Variants in RP1 observed in about 807,000 individuals in gnomAD.
RP1 encodes oxygen-regulated protein 1.
Under a neutral mutation model 14.8 loss-of-function variants are expected in RP1, and 16 were observed. That is an observed-to-expected ratio of 1.08 (90% CI 0.73 to 1.65). The LOEUF is 1.65. Among genes scored for constraint, RP1 ranks in the 40% most tolerant of loss-of-function variants. RP1 has a pLI of 0.00. For synonymous variants in RP1, 876 were observed against 883.6 expected (o/e 0.99, Z 0.15); for missense variants, 2,631 against 2,535.0 (o/e 1.04, Z -0.81).
intron 24 of RP1, among the ~76,000 whole-genome samples, chr8:54,805,600 T>C (rs895232576): frequency 6.6e-6 from 1 of 152,204 alleles, no homozygotes; most frequent in African/African-American, 2.4e-5. Flanking sequence ...TTTATACAGC[T>C]GGAAAATGCA....
chr8:54,814,040 A>T (rs1001318253), intron 24 of RP1, among the ~76,000 whole-genome samples: 2 of 152,180 alleles, frequency 1.3e-5, no homozygotes, highest in Non-Finnish European at 2.9e-5. Context: ...TGGCTCCAGT[A>T]AGGATTTAAA....
At chr8:54,858,828 A>G (rs1812267402) in intron 27 of RP1, among the ~76,000 whole-genome samples, 1 of 151,950 alleles carries the variant, frequency 6.6e-6, no homozygotes, top group African/African-American at 2.4e-5. Flanking sequence ...ATGTCACTGT[A>G]GAGCAGTGCT....
chr8:54,561,890 T>C (rs1458592492), intron 1 of RP1: 4 of 152,204 alleles, frequency 2.6e-5, no homozygotes, highest in Non-Finnish European at 5.9e-5. Context: ...ACAATAACAA[T>C]AATCAATGGA....
At chr8:54,823,326 G>C (rs1267667440) in intron 24 of RP1, among the ~76,000 whole-genome samples, 1 of 152,086 alleles carries the variant, frequency 6.6e-6, no homozygotes, top group African/African-American at 2.4e-5. Flanking sequence ...TGGCAGTCTT[G>C]TTTTCTTCTT....
At chr8:54,735,037 A>AC (rs1808885472) in intron 18 of RP1, among the ~76,000 whole-genome samples, 1 of 152,110 alleles carries the variant, frequency 6.6e-6, no homozygotes, top group Admixed American at 6.6e-5. Flanking sequence ...TCAATTTATA[A>AC]CCGGCTTATA....
At position 54,610,964 on chromosome 8, in the gene RP1, G is replaced by A. The variant is rs145372203; in HGVS notation, c.-12-9991G>A. 5.2e-3 allele frequency among the ~76,000 whole-genome samples: 785 copies of A among 152,302 alleles called. 4 individuals are homozygous for A. The highest frequency in any genetic ancestry group is 8.8e-3 in the Non-Finnish European group (596 of 68,026). On this transcript the variant is annotated intron_variant, in intron 1 of 22. Transcript: ENST00000636932. The stretch of plus-strand genomic sequence containing the variant: ...CCCGAGCTTTTATCTATCAAGGACT[G>A]TCTTAATTTTGCCCTCATTTTTAAA...
At chr8:54,795,341 A>G (rs531181273) in intron 24 of RP1, among the ~76,000 whole-genome samples, 1 of 152,246 alleles carries the variant, frequency 6.6e-6, no homozygotes, top group African/African-American at 2.4e-5. Context: ...CTCTCCATCA[A>G]TGAATGAATA....
intron 1 of RP1, among the ~76,000 whole-genome samples, chr8:54,599,712 C>G (rs1350950241): frequency 6.6e-6 from 1 of 152,122 alleles, no homozygotes; most frequent in East Asian, 1.9e-4. Context: ...GCCTTGGCCT[C>G]CCAAAGTACT....
intron 7 of RP1, among the ~76,000 whole-genome samples, chr8:54,670,667 GTTTTTATATATATA>G (rs1363406922): frequency 1.2e-4 from 5 of 42,614 alleles, no homozygotes; most frequent in African/African-American, 5.4e-4. Context: ...TAATATATAT[GTTTTTATATATATA>G]TATATATATA....
intron 13 of RP1, among the ~76,000 whole-genome samples, chr8:54,700,365 C>A (rs565691258): frequency 6.6e-6 from 1 of 151,970 alleles, no homozygotes; most frequent in Admixed American, 6.6e-5. Context: ...GATTTCAACT[C>A]ATGGGATGTT....
At chr8:54,862,282 T>C (rs754926677) in intron 27 of RP1, among the ~76,000 whole-genome samples, 66 of 152,312 alleles carry the variant, frequency 4.3e-4, no homozygotes, top group Non-Finnish European at 7.5e-4. Context: ...TTACCTACAG[T>C]ATATAAGAAC....
chr8:54,825,130 C>A (rs1044991571), intron 24 of RP1, among the ~76,000 whole-genome samples: 2 of 152,086 alleles, frequency 1.3e-5, no homozygotes, highest in South Asian at 2.1e-4. Context: ...CCACCACGGC[C>A]GGCTAATTTG....
intron 24 of RP1, among the ~76,000 whole-genome samples, chr8:54,818,627 G>A (rs1366128735): frequency 1.3e-5 from 2 of 152,198 alleles, no homozygotes; most frequent in East Asian, 1.9e-4. Flanking sequence ...CTAAGGAATG[G>A]CAGGAAGGGG....
intron 24 of RP1, among the ~76,000 whole-genome samples, chr8:54,835,753 A>T (rs1170033258): frequency 6.6e-6 from 1 of 152,094 alleles, no homozygotes; most frequent in African/African-American, 2.4e-5. Context: ...TAACTTTCAG[A>T]CTCAGGTCTG....
At chr8:54,849,811 T>C (rs934891404) in intron 25 of RP1, among the ~76,000 whole-genome samples, 2 of 152,132 alleles carry the variant, frequency 1.3e-5, no homozygotes, top group African/African-American at 2.4e-5. Context: ...AATACATGGG[T>C]TATGCATTCC....
chr8:54,837,724 G>C, intron 25 of RP1: 1 of 1,020,150 alleles, frequency 9.8e-7, no homozygotes, highest in Non-Finnish European at 1.3e-6. Context: ...TAATTGAGAT[G>C]ATTTAGAATA....
At chr8:54,849,621 CACTT>C (rs879719772) in intron 25 of RP1, among the ~76,000 whole-genome samples, 1 of 152,186 alleles carries the variant, frequency 6.6e-6, no homozygotes, top group Non-Finnish European at 1.5e-5. Context: ...CATTAACAAA[CACTT>C]AGCAAAAATT....
downstream of RP1, among the ~76,000 whole-genome samples, chr8:54,633,324 A>C (rs1457631748): frequency 6.6e-6 from 1 of 152,154 alleles, no homozygotes; most frequent in African/African-American, 2.4e-5. Flanking sequence ...GACCCAACAA[A>C]ATTCCCTAAT....
chr8:54,675,463 A>G (rs1807272940), intron 8 of RP1, among the ~76,000 whole-genome samples: 1 of 152,188 alleles, frequency 6.6e-6, no homozygotes, highest in African/African-American at 2.4e-5. Flanking sequence ...AGTTGGATAC[A>G]TCAGTTACTC....
Sources: gnomAD v4.1 joint callset for allele counts (sites outside exome capture counted in the v4.1 genomes callset) on GRCh38, gnomAD v4.1.1 for gene constraint, MANE v1.5 for transcripts, NCBI Gene and HGNC (gene_info 2026-07-23, HGNC 2026-07-21) for gene names.